DCDC1: variants seen among roughly 807,000 people sequenced by gnomAD.
The protein encoded by DCDC1 is doublecortin domain-containing protein 1.
In DCDC1, 200 loss-of-function variants were observed where a neutral mutation model predicts 178.3. That is an observed-to-expected ratio of 1.12 (90% CI 1.00 to 1.26). DCDC1 has a LOEUF of 1.26. Ranked by LOEUF, DCDC1 falls within the 50% of genes most tolerant of loss-of-function variation. The pLI is 0.00. For missense variants in DCDC1, 1,983 were observed against 1,749.2 expected, an observed-to-expected ratio of 1.13 and a Z score of -2.38; for synonymous variants, 690 against 604.8, an observed-to-expected ratio of 1.14 and a Z score of -2.07.
intron 7 of DCDC1, chr11:31,280,719 C>A: frequency 5.2e-6 from 3 of 580,470 alleles, no homozygotes; most frequent in Non-Finnish European, 6.5e-6. Flanking sequence ...GCCCTTTCTG[C>A]CTTCTTCTTA....
chr11:31,139,860 A>G (rs1963603143), intron 9 of DCDC1, among the ~76,000 whole-genome samples: 1 of 152,244 alleles, frequency 6.6e-6, no homozygotes, highest in South Asian at 2.1e-4. Context: ...GAAAAGCATC[A>G]CAGCATAGTC....
chr11:30,931,290 T>A (rs2134313485), intron 22 of DCDC1, among the ~76,000 whole-genome samples: 1 of 152,216 alleles, frequency 6.6e-6, no homozygotes, highest in African/African-American at 2.4e-5. Context: ...GTGATAAACT[T>A]TTAAAATGTT....
intron 9 of DCDC1, among the ~76,000 whole-genome samples, chr11:31,213,180 A>T (rs1192706939): frequency 1.7e-5 from 2 of 120,512 alleles, no homozygotes; most frequent in Non-Finnish European, 3.2e-5. Context: ...TTACCAGGGC[A>T]GTGGTTTGCT....
chr11:31,111,305 A>C (rs951663162), intron 11 of DCDC1, among the ~76,000 whole-genome samples: 10 of 152,062 alleles, frequency 6.6e-5, no homozygotes, highest in South Asian at 2.1e-4. Flanking sequence ...AAAAAAAAAA[A>C]CTACCTTTTT....
At chr11:30,889,689 G>C (rs1943609119) in intron 36 of DCDC1, among the ~76,000 whole-genome samples, 1 of 152,160 alleles carries the variant, frequency 6.6e-6, no homozygotes, top group Non-Finnish European at 1.5e-5. Context: ...ACACAGCATG[G>C]AAAAGGAAGA....
chr11:31,151,695 C>G (rs912096081), intron 9 of DCDC1, among the ~76,000 whole-genome samples: 1 of 152,114 alleles, frequency 6.6e-6, no homozygotes, highest in Admixed American at 6.5e-5. Flanking sequence ...ATGTAAAGTA[C>G]GTGAATGTTA....
At chr11:31,218,126 G>T (rs1326236320) in intron 9 of DCDC1, among the ~76,000 whole-genome samples, 1 of 150,818 alleles carries the variant, frequency 6.6e-6, no homozygotes, top group Non-Finnish European at 1.5e-5. Flanking sequence ...AAAAAAAAAA[G>T]TCGTAATATA....
At chr11:30,919,911 A>G (rs564164788) in intron 25 of DCDC1, among the ~76,000 whole-genome samples, 1 of 152,310 alleles carries the variant, frequency 6.6e-6, no homozygotes, top group East Asian at 1.9e-4. Context: ...TTTGCCCTCA[A>G]CGTTCCCAGG....
At position 31,335,563 on chromosome 11, in the gene DCDC1, A is replaced by C. The variant is rs1950228751; in HGVS notation, c.-123T>G. The C allele has an allele frequency of 6.6e-6, 1 of 152,280 alleles. No homozygotes were observed. The highest frequency in any genetic ancestry group is 2.1e-4 in the South Asian group (1 of 4,834). 9.4% of individuals were successfully genotyped at this position (152,280 alleles called of 1,614,324 possible). On this transcript the variant is annotated splice_region_variant and 5_prime_UTR_variant, in exon 2 of 39. Transcript: ENST00000684477. ...GGAATCTGGAATTTTCTTATTTGCA[A>C]TCTGGAAAATAGAGTAACACACACA...
At chr11:31,099,470 G>A (rs1157538438) in intron 15 of DCDC1, among the ~76,000 whole-genome samples, 1 of 152,092 alleles carries the variant, frequency 6.6e-6, no homozygotes, top group Non-Finnish European at 1.5e-5. Flanking sequence ...CCCCAATAGA[G>A]CCTACCATTC....
chr11:31,077,721 G>C, intron 18 of DCDC1, 144 bp downstream of exon 18: 1 of 449,996 alleles, frequency 2.2e-6, no homozygotes, highest in Non-Finnish European at 3.9e-6. Context: ...ATTGAGTTAA[G>C]TTAAATTCTA....
intron 3 of DCDC1, 55 bp from the exon 4 acceptor site, chr11:31,307,963 A>T: frequency 1.3e-6 from 2 of 1,594,026 alleles, no homozygotes; most frequent in Middle Eastern, 1.7e-4. Context: ...ATCATTTATT[A>T]ACAAATACCA....
At chr11:31,007,169 T>C (rs1951893721) in intron 20 of DCDC1, among the ~76,000 whole-genome samples, 1 of 152,110 alleles carries the variant, frequency 6.6e-6, no homozygotes, top group Non-Finnish European at 1.5e-5. Context: ...ACCGTGTGCA[T>C]AGGAAGAATA....
intron 9 of DCDC1, among the ~76,000 whole-genome samples, chr11:31,161,109 A>G (rs888062364): frequency 6.6e-6 from 1 of 152,142 alleles, no homozygotes; most frequent in African/African-American, 2.4e-5. Flanking sequence ...AGCCTGACCC[A>G]GCCTGTGAAG....
chr11:31,074,422 G>A (rs1366951706), intron 18 of DCDC1, among the ~76,000 whole-genome samples: 1 of 152,160 alleles, frequency 6.6e-6, no homozygotes, highest in Non-Finnish European at 1.5e-5. Flanking sequence ...AGTTGATTGA[G>A]TCATATGGCA....
chr11:31,280,045 C>T (rs1450885051), intron 7 of DCDC1, among the ~76,000 whole-genome samples: 1 of 152,010 alleles, frequency 6.6e-6, no homozygotes, highest in Non-Finnish European at 1.5e-5. Context: ...CATATGACCT[C>T]ATAGATCATC....
At chr11:31,285,583 C>T (rs1205960486) in intron 7 of DCDC1, among the ~76,000 whole-genome samples, 1 of 151,960 alleles carries the variant, frequency 6.6e-6, no homozygotes, top group Non-Finnish European at 1.5e-5. Context: ...TTGAATTGGG[C>T]CTTTCTTAAG....
At position 31,328,429 on chromosome 11, in the gene DCDC1, T is replaced by G. The variant is rs1157765595; in HGVS notation, c.-6-143A>C. ...ATGATTAAATGTGAAATTCCCTTAG[T>G]AATTAACAGATGAGAGCTTAAAGAA... On this transcript the variant is annotated intron_variant, in intron 2 of 38. Coordinates refer to ENST00000684477, the MANE Select transcript of DCDC1 (RefSeq NM_001387274.1). The G allele has an allele frequency of 3.9e-6, 3 of 767,526 alleles. No individual in the cohort carries two copies. The East Asian group carries it at 8.8e-5, about 22-fold the overall frequency. 47.5% of individuals were successfully genotyped at this position (767,526 alleles called of 1,614,324 possible).
intron 8 of DCDC1, among the ~76,000 whole-genome samples, chr11:31,251,432 T>C (rs960086034): frequency 6.6e-5 from 10 of 152,082 alleles, no homozygotes; most frequent in African/African-American, 2.4e-4. Flanking sequence ...CTAATGTTGG[T>C]GGGCCTCATT....
Sources: gnomAD v4.1 joint callset for allele counts (sites outside exome capture counted in the v4.1 genomes callset) on GRCh38, gnomAD v4.1.1 for gene constraint, MANE v1.5 for transcripts, NCBI Gene and HGNC (gene_info 2026-07-23, HGNC 2026-07-21) for gene names.